The following PRKRA variants were observed in gnomAD, a reference collection of about 807,000 sequenced individuals.
PRKRA encodes protein activator of interferon induced protein kinase EIF2AK2, also known as interferon-inducible double-stranded RNA-dependent protein kinase activator A.
In PRKRA, 22 loss-of-function variants were observed where a neutral mutation model predicts 32.4. The observed-to-expected ratio is 0.68, with a 90% CI of 0.49 to 0.97. The LOEUF (loss-of-function observed/expected upper bound fraction) is 0.97, where lower values mean the gene tolerates loss of function less well. PRKRA is among the 50% of genes least tolerant of loss of function. PRKRA has a pLI of 0.00. For synonymous variants in PRKRA, 139 were observed against 129.8 expected (o/e 1.07, Z -0.48); for missense variants, 319 against 375.6 (o/e 0.85, Z 1.25).
chr2:178,450,597 G>A, intron 1 of PRKRA, 186 bp from the exon 2 acceptor site: 1 of 1,480,920 alleles, frequency 6.8e-7, no homozygotes, highest in Non-Finnish European at 8.9e-7. Context: ...TCACTCCGCA[G>A]GAGCAGGCGG....
In PRKRA at chr2:178,444,448, G is replaced by A. The variant is rs775270807; in HGVS notation, c.370C>T (p.Gln124Ter). The change falls in exon 4 of 8, where the codon CAG (glutamine) becomes TAG (stop). Residue 124 changes from glutamine to a stop codon, truncating the protein, a stop_gained. Transcript: ENST00000325748. LOFTEE classifies it high-confidence loss of function. ...TGTAATGAACCAATAGGATTAAGCT[G>A]GTTCTTTGGTTGCTTGGAAGGGTCA... ...MPDPSKQPKN[Q>*]LNPIGSLQEL... 1 of 1,604,726 alleles carries A rather than the reference G, an allele frequency of 6.2e-7. No homozygotes were observed. Among genetic ancestry groups the A allele is most frequent in the Admixed American group, 1.7e-5 (1 of 60,014 alleles).
Position 178,435,996 on chromosome 2 carries a change from T to C in PRKRA, c.784+149A>G, listed in dbSNP as rs1696878382. 4.5e-6 allele frequency: 3 copies of C among 669,000 alleles called. No homozygotes were observed. The Middle Eastern group carries it at 1.2e-3, about 274-fold the overall frequency. 41.4% of individuals were successfully genotyped at this position (669,000 alleles called of 1,614,324 possible). ...GAATGGGACATATCAATTATATATA[T>C]TACTGGCCTAGTAATTATATATACT... On this transcript the variant is annotated intron_variant, in intron 7 of 7. Transcript: ENST00000325748.
intron 2 of PRKRA, among the ~76,000 whole-genome samples, chr2:178,449,644 T>C (rs1191310167): frequency 2.6e-5 from 4 of 152,260 alleles, no homozygotes; most frequent in South Asian, 2.1e-4. Context: ...ATGTTACTTA[T>C]AATCTCTCTG....
At chr2:178,450,606 G>A (rs1218912532) in intron 1 of PRKRA, 195 bp from the exon 2 acceptor site, 1 of 1,473,480 alleles carries the variant, frequency 6.8e-7, no homozygotes, top group African/African-American at 1.4e-5. Context: ...AGGAGCAGGC[G>A]GGGTGAGCGA....
intron 6 of PRKRA, among the ~76,000 whole-genome samples, chr2:178,437,285 CTT>C (rs1444411393): frequency 3.3e-5 from 5 of 152,174 alleles, no homozygotes; most frequent in Non-Finnish European, 5.9e-5. Context: ...AGTACAGTCT[CTT>C]TTCCTTACCA....
intron 5 of PRKRA, among the ~76,000 whole-genome samples, chr2:178,443,017 TA>T (rs1311145611): frequency 6.6e-6 from 1 of 152,220 alleles, no homozygotes; most frequent in Non-Finnish European, 1.5e-5. Context: ...GAAGACTGTT[TA>T]AAGTACAGAG....
chr2:178,440,627 A>G (rs1202745701), intron 6 of PRKRA, among the ~76,000 whole-genome samples: 4 of 151,816 alleles, frequency 2.6e-5, no homozygotes. Context: ...ATGCCCCTTT[A>G]CCTCAGTTTT....
intron 6 of PRKRA, chr2:178,439,238 A>C (rs1297909641): frequency 5.9e-5 from 9 of 152,188 alleles, no homozygotes; most frequent in Admixed American, 5.9e-4. Flanking sequence ...CTATAAAATG[A>C]CCAATGTTAT....
At position 178,431,684 on chromosome 2, in the gene PRKRA, A is replaced by G. The variant is rs1167347577; in HGVS notation, c.*413T>C. 8.3e-6 allele frequency: 2 copies of G among 240,124 alleles called. No homozygotes were observed. Among genetic ancestry groups the G allele is most frequent in the Admixed American group, 5.1e-5 (1 of 19,768 alleles). The allele number at this position is 240,124 out of a possible 1,614,324, so 14.9% of individuals were successfully genotyped here. A position where few individuals can be genotyped will look rare whatever the true frequency, so the allele number is the denominator to read the frequency against. On this transcript the variant is annotated 3_prime_UTR_variant, in exon 8 of 8. Transcript: ENST00000325748. The stretch of plus-strand genomic sequence containing the variant: ...CAATCATACTTAATAAAGGCCTGTT[A>G]GTGCTGTCCCTCAAGACTCTAATTC...
chr2:178,432,405 C>A, intron 7 of PRKRA, 151 bp from the exon 8 acceptor site: 2 of 927,110 alleles, frequency 2.2e-6, no homozygotes, highest in Non-Finnish European at 3.3e-6. Context: ...CTTGTACAAA[C>A]AAAAAACCAC....
rs201062425 is a variant in PRKRA at position 178,444,406 on chromosome 2, G to C, written c.396+16C>G. The C allele has an allele frequency of 9.0e-6, 14 of 1,561,328 alleles. No individual in the cohort carries two copies. The highest frequency in any genetic ancestry group is 1.1e-5 in the Non-Finnish European group (13 of 1,132,464). ...ATTATATATTTCATCAGTAGGCAAA[G>C]AACTGTACAACTTACCTGTAATGAA... On this transcript the variant is annotated intron_variant, in intron 4 of 7. Coordinates refer to ENST00000325748, the MANE Select transcript of PRKRA (RefSeq NM_003690.5).
chr2:178,447,511 C>T lies in PRKRA; in HGVS notation c.311G>A (p.Ser104Asn). ...AAINILKANA[S>N]ICFAVPDPLM... ...ACAAAGAAATTTAGCTCACCAAATA[C>T]TTGCATTGGCTTTCAAAATGTTTAT... Residue 104 changes from serine (S) to asparagine (N), a missense_variant, in exon 3 of 8, where the codon AGT (serine) becomes AAT (asparagine). By Grantham distance (46) the Ser-to-Asn change is conservative. Coordinates refer to ENST00000325748, the MANE Select transcript of PRKRA (RefSeq NM_003690.5). The T allele has an allele frequency of 6.2e-7, 1 of 1,614,138 alleles. No homozygotes were observed. Among genetic ancestry groups the T allele is most frequent in the Non-Finnish European group, 8.5e-7 (1 of 1,179,966 alleles).
At position 178,450,365 on chromosome 2, in the gene PRKRA, C is replaced by A. The variant is rs1697525576; in HGVS notation, c.112G>T (p.Val38Leu). Residue 38 changes from valine (V) to leucine (L), a missense_variant, in exon 2 of 8, where the codon GTA becomes TTA. By Grantham distance (32) the Val-to-Leu change is conservative. Transcript: ENST00000325748. ...GTCTTCATGCCGTATTCGTGTAATA[C>A]CTGAATCGGTGTTTTCCCTGGCTTA... ...TAKPGKTPIQ[V>L]LHEYGMKTKN... 1.2e-6 allele frequency: 2 copies of A among 1,614,268 alleles called. No individual in the cohort carries two copies. The highest frequency in any genetic ancestry group is 1.1e-5 in the South Asian group (1 of 91,088).
intron 7 of PRKRA, among the ~76,000 whole-genome samples, chr2:178,432,764 T>TA (rs546456694): frequency 5.2e-4 from 79 of 151,652 alleles, no homozygotes; most frequent in Non-Finnish European, 8.0e-4. Flanking sequence ...TGTCTTCTAT[T>TA]AAAAAAAAAT....
rs1024400241 is a variant in PRKRA, at chr2:178,436,303, T to C, written c.626A>G (p.His209Arg). The C allele has an allele frequency of 1.9e-6, 3 of 1,613,750 alleles. No homozygotes were observed. Among genetic ancestry groups the C allele is most frequent in the African/African-American group, 2.7e-5 (2 of 74,938 alleles). Residue 209 changes from histidine (H) to arginine (R), a missense_variant, in exon 7 of 8, where the codon CAT becomes CGT. Physicochemically the swap from His to Arg is conservative, Grantham distance 29 (BLOSUM62 0). Transcript: ENST00000325748. ...NHISLTNVVG[H>R]SLGCTWHSLR... ...GGAATGCCAAGTACATCCTAAAGAA[T>C]GTCCTACTACATTTGTCTGAAAAAC...
intron 2 of PRKRA, chr2:178,449,957 A>G: frequency 2.0e-6 from 1 of 502,914 alleles, no homozygotes; most frequent in Non-Finnish European, 3.6e-6. Context: ...AATTCTAAGA[A>G]GAACCCTAGG....
chr2:178,447,501 T>TG lies in PRKRA; in HGVS notation c.317+3_317+4insC, dbSNP rs1331131036. 3.4e-4 allele frequency: 325 copies of TG among 950,868 alleles called. 1 individual carries two copies. The East Asian group carries it at 9.3e-3, about 27-fold the overall frequency. 58.9% of individuals were successfully genotyped at this position (950,868 alleles called of 1,614,324 possible). ...GCTGCTGAATACAAAGAAATTTAGC[T>TG]CACCAAATACTTGCATTGGCTTTCA... On this transcript the variant is annotated splice_donor_region_variant and intron_variant, in intron 3 of 7. Coordinates refer to ENST00000325748, the MANE Select transcript of PRKRA (RefSeq NM_003690.5).
chr2:178,443,817 A>G (rs770303480), intron 4 of PRKRA: 1 of 179,452 alleles, frequency 5.6e-6, no homozygotes, highest in Non-Finnish European at 1.2e-5. Context: ...AGACTTGCAT[A>G]AAGTGGGGGA....
intron 7 of PRKRA, among the ~76,000 whole-genome samples, chr2:178,433,163 C>T (rs1230957655): frequency 6.6e-6 from 1 of 152,188 alleles, no homozygotes; most frequent in Non-Finnish European, 1.5e-5. Context: ...GCTTGAGGCT[C>T]ATCCATGTTG....
Sources: gnomAD v4.1 joint callset for allele counts (sites outside exome capture counted in the v4.1 genomes callset) on GRCh38, gnomAD v4.1.1 for gene constraint, MANE v1.5 for transcripts, NCBI Gene and HGNC (gene_info 2026-07-23, HGNC 2026-07-21) for gene names.